USP32: variants seen among roughly 807,000 people sequenced by gnomAD.
USP32 encodes ubiquitin carboxyl-terminal hydrolase 32.
Under a neutral mutation model 204.8 loss-of-function variants are expected in USP32, and 59 were observed. The ratio of observed to expected loss-of-function variants is 0.29; its 90% CI spans 0.23 to 0.36. The LOEUF is 0.36. Ranked by LOEUF, USP32 falls within the 10% of genes least tolerant of loss-of-function variation. USP32 has a pLI of 1.00. For synonymous variants in USP32, 517 were observed against 678.4 expected (o/e 0.76, Z 3.70); for missense variants, 1,160 against 1,946.4 (o/e 0.60, Z 7.60).
intron 2 of USP32, among the ~76,000 whole-genome samples, chr17:60,325,582 G>T (rs576379900): frequency 2.6e-5 from 4 of 151,974 alleles, no homozygotes; most frequent in African/African-American, 9.7e-5. Flanking sequence ...AGTTAAATAC[G>T]TATCTCTTCT....
chr17:60,285,846 GAA>G (rs920198195), intron 5 of USP32, among the ~76,000 whole-genome samples: 1 of 152,054 alleles, frequency 6.6e-6, no homozygotes, highest in Non-Finnish European at 1.5e-5. Context: ...AGAAGCATAA[GAA>G]AAAGCAGCCC....
intron 5 of USP32, among the ~76,000 whole-genome samples, chr17:60,287,490 G>T (rs1221620182): frequency 6.6e-6 from 1 of 152,050 alleles, no homozygotes; most frequent in African/African-American, 2.4e-5. Flanking sequence ...CATTTACCTG[G>T]TCCTCTTTGC....
intron 2 of USP32, among the ~76,000 whole-genome samples, chr17:60,319,329 T>C (rs957014060): frequency 6.6e-6 from 1 of 152,078 alleles, no homozygotes; most frequent in African/African-American, 2.4e-5. Context: ...AGATAATAAA[T>C]ACGAGTATAA....
chr17:60,199,938 G>A (rs1281999202), intron 26 of USP32, among the ~76,000 whole-genome samples: 1 of 152,180 alleles, frequency 6.6e-6, no homozygotes, highest in Non-Finnish European at 1.5e-5. Flanking sequence ...GCTCATGCCT[G>A]TAATCCCAGC....
At position 60,420,089 on chromosome 17, in the gene USP32, TTTTA is replaced by T. The variant is rs1450395553; in HGVS notation, c.106+2153_106+2156del. ...ATTTTGTTTATTTTATTTTATTTTA[TTTTA>T]TTTGTTTTGTTTTATTTTATTTATT... is the stretch of plus-strand genomic sequence containing the variant. On this transcript the variant is annotated intron_variant, in intron 1 of 3. Coordinates refer to the USP32 transcript ENST00000588898. 2.1e-3 allele frequency among the ~76,000 whole-genome samples: 311 copies of T among 150,560 alleles called. 5 individuals are homozygous for T. Among genetic ancestry groups the T allele is most frequent in the Non-Finnish European group, 2.4e-4 (16 of 67,726 alleles).
intron 1 of USP32, among the ~76,000 whole-genome samples, chr17:60,403,225 C>A (rs2143027535): frequency 1.3e-5 from 2 of 152,228 alleles, no homozygotes; most frequent in Middle Eastern, 3.4e-3. Flanking sequence ...ACCATGTTGG[C>A]CAGGATGGTC....
intron 12 of USP32, among the ~76,000 whole-genome samples, chr17:60,227,859 T>A (rs1272173632): frequency 2.0e-5 from 3 of 152,186 alleles, no homozygotes; most frequent in African/African-American, 7.2e-5. Flanking sequence ...TTTTTTTAAA[T>A]TTTAAGTAAA....
chr17:60,255,450 A>C (rs1029870689), intron 9 of USP32, among the ~76,000 whole-genome samples, 192 bp from the exon 10 acceptor site: 2 of 151,946 alleles, frequency 1.3e-5, no homozygotes, highest in African/African-American at 2.4e-5. Context: ...GGTGCCCGCC[A>C]CCATGCCTGG....
chr17:60,382,184 A>G (rs571123713), intron 1 of USP32, among the ~76,000 whole-genome samples: 1 of 152,334 alleles, frequency 6.6e-6, no homozygotes, highest in East Asian at 1.9e-4. Flanking sequence ...CCAGATCCTT[A>G]TCTGTCAAAA....
At chr17:60,273,829 G>T (rs1329304920) in intron 5 of USP32, among the ~76,000 whole-genome samples, 1 of 151,700 alleles carries the variant, frequency 6.6e-6, no homozygotes, top group Non-Finnish European at 1.5e-5. Context: ...GCGTGGTGGC[G>T]GGTGCCTGTA....
chr17:60,179,311 T>G lies in USP32; in HGVS notation c.4759A>C (p.Ser1587Arg), dbSNP rs746681928. ...GACTCAAAGTCTTCATCCATACTGC[T>G]TGTGTCTGCCATCTTTTTGCCATCA... ...KTDGKKMADT[S>R]SMDEDFESDY... The change falls in exon 34 of 34, where the codon AGC becomes CGC. Residue 1587 changes from serine (S) to arginine (R), a missense_variant. Physicochemically the swap from Ser to Arg is moderately radical, Grantham distance 110. Coordinates refer to ENST00000300896, the MANE Select transcript of USP32 (RefSeq NM_032582.4). 1 of 1,613,986 alleles carries G rather than the reference T, an allele frequency of 6.2e-7. No homozygotes were observed. The highest frequency in any genetic ancestry group is 8.5e-7 in the Non-Finnish European group (1 of 1,179,866).
intron 16 of USP32, among the ~76,000 whole-genome samples, chr17:60,215,224 G>A (rs1192608191): frequency 3.3e-5 from 5 of 152,048 alleles, no homozygotes; most frequent in African/African-American, 1.2e-4. Flanking sequence ...CACCTGCCTC[G>A]GCTTCCCAAA....
chr17:60,403,999 C>T (rs1456203411), intron 1 of USP32, among the ~76,000 whole-genome samples: 1 of 150,574 alleles, frequency 6.6e-6, no homozygotes, highest in Non-Finnish European at 1.5e-5. Flanking sequence ...GCGATCACAC[C>T]ACTGCACTCC....
chr17:60,362,718 A>C (rs2089234222), intron 1 of USP32, among the ~76,000 whole-genome samples: 1 of 152,226 alleles, frequency 6.6e-6, no homozygotes, highest in Non-Finnish European at 1.5e-5. Flanking sequence ...AGTTTCTCGA[A>C]TCAAATACAC....
At chr17:60,416,518 A>T (rs2090063573) in intron 1 of USP32, among the ~76,000 whole-genome samples, 1 of 152,136 alleles carries the variant, frequency 6.6e-6, no homozygotes, top group Non-Finnish European at 1.5e-5. Flanking sequence ...TGGTGGAGGG[A>T]TGACTTTGTT....
chr17:60,315,135 C>T (rs55953463), intron 2 of USP32, among the ~76,000 whole-genome samples: 6,745 of 152,200 alleles, frequency 0.044, 532 homozygotes, highest in African/African-American at 0.15. Context: ...TGGTGGCTCA[C>T]GCCTGTAATC....
intron 31 of USP32, 123 bp downstream of exon 31, chr17:60,183,042 G>A (rs2084153192): frequency 1.5e-6 from 2 of 1,338,294 alleles, no homozygotes; most frequent in South Asian, 1.5e-5. Context: ...AATACAGATA[G>A]GTCTGATTCC....
chr17:60,239,821 C>T (rs2085829144), intron 11 of USP32, among the ~76,000 whole-genome samples: 1 of 152,222 alleles, frequency 6.6e-6, no homozygotes, highest in South Asian at 2.1e-4. Context: ...ACAACCTCCG[C>T]CTCCCGGGTT....
At chr17:60,180,066 C>A (rs1223003813) in intron 33 of USP32, among the ~76,000 whole-genome samples, 1 of 150,898 alleles carries the variant, frequency 6.6e-6, no homozygotes, top group East Asian at 2.0e-4. Flanking sequence ...TGCTCTGTTG[C>A]CCAGGCTGGA....
Sources: gnomAD v4.1 joint callset for allele counts (sites outside exome capture counted in the v4.1 genomes callset) on GRCh38, gnomAD v4.1.1 for gene constraint, MANE v1.5 for transcripts, NCBI Gene and HGNC (gene_info 2026-07-23, HGNC 2026-07-21) for gene names.